Variants in ZNF546 observed in about 807,000 individuals in gnomAD.
ZNF546 encodes zinc finger protein 546.
A neutral mutation model predicts 76.2 loss-of-function variants in ZNF546; 60 were observed. That is an observed-to-expected ratio of 0.79 (90% CI 0.64 to 0.98). The LOEUF is 0.98. ZNF546 is among the 50% of genes least tolerant of loss of function. The pLI is 0.00. For missense variants in ZNF546, 936 were observed against 1,035.6 expected (o/e 0.90, Z 1.32); for synonymous variants, 277 against 328.1 (o/e 0.84, Z 1.68).
intron 6 of ZNF546, among the ~76,000 whole-genome samples, chr19:40,009,268 T>G (rs1481511063): frequency 1.3e-5 from 2 of 152,226 alleles, no homozygotes; most frequent in African/African-American, 4.8e-5. Flanking sequence ...AAGAACCATC[T>G]GTGTTTATTC....
chr19:39,998,995 A>C (rs866037268), intron 3 of ZNF546, among the ~76,000 whole-genome samples: 4 of 151,972 alleles, frequency 2.6e-5, no homozygotes, highest in Admixed American at 2.6e-4. Flanking sequence ...CTGGTCTGGA[A>C]CTCCTGACCT....
intron 5 of ZNF546, 66 bp from the exon 6 acceptor site, chr19:40,008,404 C>T: frequency 8.0e-7 from 1 of 1,246,632 alleles, no homozygotes; most frequent in Middle Eastern, 2.0e-4. Context: ...TCTGAATTGT[C>T]ATTTCAAGGT....
Position 39,998,380 on chromosome 19 carries a change from A to G in ZNF546, c.54A>G (p.Gln18=), listed in dbSNP as rs1255141756. The G allele has an allele frequency of 1.2e-6, 2 of 1,614,182 alleles. No homozygotes were observed. The highest frequency in any genetic ancestry group is 1.7e-6 in the Non-Finnish European group (2 of 1,180,002). Residue 18 remains glutamine, a synonymous_variant, in exon 3 of 7, where the codon CAA becomes CAG. Coordinates refer to ENST00000347077, the MANE Select transcript of ZNF546 (RefSeq NM_178544.5). The part of the protein sequence containing the change: ...HGPPNDFLIF[Q]IIPLHSLSIM... Reference sequence around the variant, plus strand: ...CTCCAAATGACTTTCTCATTTTTCAAATCATTCCTCTGCACTCACTTTCTA... The same window carrying G: ...CTCCAAATGACTTTCTCATTTTTCAGATCATTCCTCTGCACTCACTTTCTA...
At position 40,013,923 on chromosome 19, in the gene ZNF546, A is replaced by T. The variant is rs140602683; in HGVS notation, c.653A>T (p.Glu218Val). 5.0e-6 allele frequency: 8 copies of T among 1,608,842 alleles called. No individual in the cohort carries two copies. Among genetic ancestry groups the T allele is most frequent in the Non-Finnish European group, 5.9e-6 (7 of 1,177,684 alleles). ...ATTCATGCTAGAGAGAAATCATATG[A>T]ATGTAAGGAATGTAGAAAGGCCTTT... ...PKIHAREKSYECKECRKAFRQ... is the reference protein window; with the variant it reads ...PKIHAREKSYVCKECRKAFRQ... Residue 218 changes from glutamate (E) to valine (V), a missense_variant, in exon 7 of 7, where the codon GAA (glutamate) becomes GTA (valine). Physicochemically the swap from Glu to Val is moderately radical, Grantham distance 121. Transcript: ENST00000347077.
In ZNF546 at chr19:40,019,737, T is replaced by C. The variant is rs371553396; in HGVS notation, c.*3956T>C. ...GCAGAAATTCTAAACCATCAGCACA[T>C]TCATTCAAAAACCTAGTAAAGCAAT... On this transcript the variant is annotated 3_prime_UTR_variant, in exon 7 of 7. Coordinates refer to ENST00000347077, the MANE Select transcript of ZNF546 (RefSeq NM_178544.5). 2.2e-4 allele frequency: 33 copies of C among 152,302 alleles called. No individual in the cohort carries two copies. The East Asian group carries it at 4.0e-3, about 19-fold the overall frequency. 9.4% of individuals were successfully genotyped at this position (152,302 alleles called of 1,614,324 possible).
rs1333520658 is a variant in ZNF546, at chr19:40,016,535, A to C, written c.*754A>C. On this transcript the variant is annotated 3_prime_UTR_variant, in exon 7 of 7. Transcript: ENST00000347077. ...ACTCTGTCTCTTAAATAAATAAATA[A>C]ATAGATTACCAGAAAAATGAAAAGA... is the stretch of plus-strand genomic sequence containing the variant. The C allele has an allele frequency of 6.6e-6, 1 of 152,138 alleles. No individual in the cohort carries two copies. Among genetic ancestry groups the C allele is most frequent in the African/African-American group, 2.4e-5 (1 of 41,416 alleles). The allele number at this position is 152,138 out of a possible 1,614,324, so 9.4% of individuals were successfully genotyped here.
Position 40,015,836 on chromosome 19 carries a change from G to A in ZNF546, c.*55G>A. ...CTTTAGCAGAGAATTTGTAATTTAA[G>A]AAATTTTCTGTTTGTTACGGAACAT... On this transcript the variant is annotated 3_prime_UTR_variant, in exon 7 of 7. Transcript: ENST00000347077. The A allele has an allele frequency of 3.3e-6, 5 of 1,526,154 alleles. No homozygotes were observed. The South Asian group carries it at 5.7e-5, about 17-fold the overall frequency. The allele number at this position is 1,526,154 out of a possible 1,614,324, so 94.5% of individuals were successfully genotyped here.
At chr19:40,006,717 G>C (rs1240244785) in intron 4 of ZNF546, among the ~76,000 whole-genome samples, 1 of 152,112 alleles carries the variant, frequency 6.6e-6, no homozygotes, top group African/African-American at 2.4e-5. Flanking sequence ...CCTAATGATG[G>C]GTGGAAACAG....
In ZNF546 at chr19:40,015,175, A is replaced by C; in HGVS notation, c.1905A>C (p.Lys635Asn). 1 of 1,613,830 alleles carries C rather than the reference A, an allele frequency of 6.2e-7. No individual in the cohort carries two copies. Among genetic ancestry groups the C allele is most frequent in the South Asian group, 1.1e-5 (1 of 91,068 alleles). Reference sequence around the variant, plus strand: ...ATCACAGAATTCATACTGGTGAAAAACCCTATAAATGTACAGAATGTGGGA... The same window carrying C: ...ATCACAGAATTCATACTGGTGAAAACCCCTATAAATGTACAGAATGTGGGA... ...TQHHRIHTGEKPYKCTECGKA... is the reference protein window; with the variant it reads ...TQHHRIHTGENPYKCTECGKA... The change falls in exon 7 of 7, where the codon AAA becomes AAC. Residue 635 changes from lysine (K) to asparagine (N), a missense_variant. Lys to Asn is a moderately conservative substitution (Grantham distance 94). Coordinates refer to ENST00000347077, the MANE Select transcript of ZNF546 (RefSeq NM_178544.5).
At chr19:40,009,387 G>A (rs1246808339) in intron 6 of ZNF546, among the ~76,000 whole-genome samples, 5 of 152,102 alleles carry the variant, frequency 3.3e-5, no homozygotes, top group Non-Finnish European at 5.9e-5. Flanking sequence ...ATATGGAAGT[G>A]GAATTTCTGG....
Position 40,015,790 on chromosome 19 carries a change from C to T in ZNF546, c.*9C>T, listed in dbSNP as rs61347180. ...TCCTATGCATAATGTAAAGAGAATA[C>T]GATGGCCTTTAGAAAATGCCCTTTA... On this transcript the variant is annotated 3_prime_UTR_variant, in exon 7 of 7. Transcript: ENST00000347077. 4.6e-3 allele frequency: 7,486 copies of T among 1,610,872 alleles called. 195 individuals carry two copies. The African/African-American group carries it at 0.066, about 14-fold the overall frequency.
At chr19:39,999,256 T>C (rs1814801913) in intron 3 of ZNF546, among the ~76,000 whole-genome samples, 1 of 152,234 alleles carries the variant, frequency 6.6e-6, no homozygotes, top group Non-Finnish European at 1.5e-5. Context: ...ACCTGGCTTG[T>C]GTATTAAGAG....
chr19:40,014,415 T>C lies in ZNF546; in HGVS notation c.1145T>C (p.Val382Ala), dbSNP rs775239085. Reference protein sequence around the residue: ...ISQHQKIHTGVKPYKCNECGK... With the variant: ...ISQHQKIHTGAKPYKCNECGK... The stretch of plus-strand genomic sequence containing the variant: ...CAACATCAGAAAATTCATACTGGTG[T>C]CAAACCCTATAAATGTAATGAATGT... The change falls in exon 7 of 7, where the codon GTC (valine) becomes GCC (alanine). Residue 382 changes from valine to alanine, a missense_variant. Transcript: ENST00000347077. 1.2e-6 allele frequency: 2 copies of C among 1,611,760 alleles called. No homozygotes were observed. Among genetic ancestry groups the C allele is most frequent in the South Asian group, 1.1e-5 (1 of 90,976 alleles).
In ZNF546 at chr19:40,014,143, T is replaced by A. The variant is rs373816048; in HGVS notation, c.873T>A (p.His291Gln). Reference protein sequence around the residue: ...AFRLHYHLTEHQRIHSGVKPY... With the variant: ...AFRLHYHLTEQQRIHSGVKPY... ...GACTTCATTATCACCTTACTGAACA[T>A]CAGAGAATACATTCTGGTGTGAAAC... Residue 291 changes from histidine (H) to glutamine (Q), a missense_variant, in exon 7 of 7, where the codon CAT becomes CAA. By Grantham distance (24) the His-to-Gln change is conservative. Transcript: ENST00000347077. 3.9e-5 allele frequency: 63 copies of A among 1,613,864 alleles called. No homozygotes were observed. Among genetic ancestry groups the A allele is most frequent in the Middle Eastern group, 1.6e-4 (1 of 6,084 alleles).
rs1186230239 is a variant in ZNF546, at chr19:40,017,966, C to CTTTTTTTTT, written c.*2206_*2214dup. 7.6e-4 allele frequency: 48 copies of CTTTTTTTTT among 63,086 alleles called. 6 individuals are homozygous for CTTTTTTTTT. Among genetic ancestry groups the CTTTTTTTTT allele is most frequent in the African/African-American group, 1.6e-3 (22 of 13,716 alleles). 3.9% of individuals were successfully genotyped at this position (63,086 alleles called of 1,614,324 possible). On this transcript the variant is annotated 3_prime_UTR_variant, in exon 7 of 7. Coordinates refer to ENST00000347077, the MANE Select transcript of ZNF546 (RefSeq NM_178544.5). ...CCCCACAACTTTATTGCAACATTGA[C>CTTTTTTTTT]TTTTTTTTTTTTTTTTTTTTTTTTT...
chr19:40,007,216 GT>G, intron 4 of ZNF546, 57 bp from the exon 5 acceptor site: 1 of 1,398,522 alleles, frequency 7.2e-7, no homozygotes, highest in Admixed American at 2.5e-5. Context: ...CTGCAAAGCA[GT>G]TTTCCATCTT....
In ZNF546 at chr19:40,016,136, A is replaced by G. The variant is rs1018810428; in HGVS notation, c.*355A>G. On this transcript the variant is annotated 3_prime_UTR_variant, in exon 7 of 7. Transcript: ENST00000347077. Reference sequence around the variant, plus strand: ...AGTTCGAAACCAGCCTGGGCAACATAGTGAGACCCTGCCTCATGGCTTTAG... The same window carrying G: ...AGTTCGAAACCAGCCTGGGCAACATGGTGAGACCCTGCCTCATGGCTTTAG... The G allele has an allele frequency of 3.1e-5, 8 of 255,044 alleles. No individual in the cohort carries two copies. Among genetic ancestry groups the G allele is most frequent in the Non-Finnish European group, 6.1e-5 (8 of 130,710 alleles). The allele number at this position is 255,044 out of a possible 1,614,324, so 15.8% of individuals were successfully genotyped here. A position where few individuals can be genotyped will look rare whatever the true frequency, so the allele number is the denominator to read the frequency against.
chr19:40,002,323 G>C (rs533566847), intron 3 of ZNF546, among the ~76,000 whole-genome samples: 74 of 152,182 alleles, frequency 4.9e-4, no homozygotes, highest in African/African-American at 1.7e-3. Flanking sequence ...GTCTTAATAT[G>C]CTTTAATAGC....
chr19:40,010,959 C>T (rs1040073786), intron 6 of ZNF546, among the ~76,000 whole-genome samples: 3 of 152,190 alleles, frequency 2.0e-5, no homozygotes, highest in Non-Finnish European at 4.4e-5. Flanking sequence ...GGCTTACAGG[C>T]GTGAGCCACT....
Sources: allele counts gnomAD v4.1 joint callset (sites outside exome capture counted in the v4.1 genomes callset), GRCh38; gene constraint gnomAD v4.1.1; transcripts MANE v1.5; gene names NCBI Gene and HGNC (gene_info 2026-07-23, HGNC 2026-07-21).